The following ERICH1 variants were observed in gnomAD, a reference collection of about 807,000 sequenced individuals.
ERICH1 encodes the protein glutamate rich 1.
A neutral mutation model predicts 39.6 loss-of-function variants in ERICH1; 56 were observed. The ratio of observed to expected loss-of-function variants is 1.41; its 90% confidence interval spans 1.14 to 1.77. The LOEUF (loss-of-function observed/expected upper bound fraction) is 1.77. Ranked by LOEUF, ERICH1 falls within the 40% of genes most tolerant of loss-of-function variation. The probability of loss-of-function intolerance (pLI) is 0.00; values close to 1 mark genes in which losing one functional copy is unlikely to be tolerated. For missense variants in ERICH1, 826 were observed against 575.4 expected (o/e 1.44, Z -4.45); for synonymous variants, 313 against 223.6 (o/e 1.40, Z -3.57).
chr8:707,677 A>G (rs377765801), intron 2 of ERICH1, among the ~76,000 whole-genome samples: 2 of 152,244 alleles, frequency 1.3e-5, no homozygotes, highest in South Asian at 4.1e-4. Flanking sequence ...CATAAGTGCT[A>G]AAACTATAAA....
chr8:633,927 A>T (rs1798214292), intron 3 of ERICH1, among the ~76,000 whole-genome samples: 1 of 152,240 alleles, frequency 6.6e-6, no homozygotes, highest in African/African-American at 2.4e-5. Context: ...TAAACCTCTC[A>T]TAAGGAAACA....
chr8:631,748 T>C (rs778809420), intron 3 of ERICH1, among the ~76,000 whole-genome samples: 33 of 152,172 alleles, frequency 2.2e-4, no homozygotes, highest in Non-Finnish European at 4.1e-4. Context: ...CCATCGTCTC[T>C]GGAACGTTCT....
intron 2 of ERICH1, among the ~76,000 whole-genome samples, chr8:708,460 C>T (rs12543394): frequency 0.14 from 20,962 of 152,064 alleles, 1,784 homozygotes; most frequent in Middle Eastern, 0.24. Context: ...GAATATTATT[C>T]AGCCTTAAAA....
chr8:680,397 A>G (rs1304640194), intron 3 of ERICH1, among the ~76,000 whole-genome samples: 3 of 151,700 alleles, frequency 2.0e-5, no homozygotes, highest in African/African-American at 7.3e-5. Flanking sequence ...CTGAAAACAC[A>G]GAAAGTCCAA....
chr8:716,045 G>T lies in ERICH1; in HGVS notation c.23-38C>A, dbSNP rs775296227. ...CCGATTAAAAGAAAAGGAGGAAAAG[G>T]AATGAATTATGCAGTTTATCTGAAT... is the stretch of plus-strand genomic sequence containing the variant. On this transcript the variant is annotated intron_variant, in intron 1 of 5. Coordinates refer to ENST00000262109, the MANE Select transcript of ERICH1 (RefSeq NM_207332.3). 17 of 1,564,564 alleles carry T rather than the reference G, an allele frequency of 1.1e-5. No homozygotes were observed. In the South Asian group the frequency reaches 1.8e-4, roughly 17 times the overall value.
intron 2 of ERICH1, among the ~76,000 whole-genome samples, chr8:692,929 G>A (rs1035190093): frequency 1.3e-5 from 2 of 152,112 alleles, no homozygotes; most frequent in African/African-American, 4.8e-5. Flanking sequence ...TGAGTATAAA[G>A]CAGCAAAATA....
At chr8:693,863 G>A (rs1010507702) in intron 2 of ERICH1, among the ~76,000 whole-genome samples, 11 of 152,222 alleles carry the variant, frequency 7.2e-5, no homozygotes, top group African/African-American at 2.7e-4. Context: ...TTTGGTTCCT[G>A]CACAGGGATC....
At chr8:615,502 C>G (rs1796858420) in intron 3 of ERICH1, 1 of 440,482 alleles carries the variant, frequency 2.3e-6, no homozygotes, top group Non-Finnish European at 4.0e-6. Flanking sequence ...TGCACTGACA[C>G]CATTCCTGCA....
intron 2 of ERICH1, among the ~76,000 whole-genome samples, chr8:700,578 A>ACAGG (rs1563300033): frequency 1.1e-5 from 1 of 90,394 alleles, no homozygotes; most frequent in African/African-American, 3.7e-5. Context: ...AGGCGCACAG[A>ACAGG]CCCGCACACA....
At chr8:699,851 GCACACGCGCACAGACCCT>G (rs1811395847) in intron 2 of ERICH1, among the ~76,000 whole-genome samples, 9 of 96,142 alleles carry the variant, frequency 9.4e-5, no homozygotes, top group African/African-American at 2.7e-4. Context: ...GCACAGACCC[GCACACGCGCACAGACCCT>G]CACAGGCGCA....
chr8:671,064 G>A lies in ERICH1; in HGVS notation c.1063+2225C>T, dbSNP rs533832701. ...CTGAGCCCACCGGTCCCCAGGCTCC[G>A]ACCTCTGAACCTGCCAGCCCCGGCT... On this transcript the variant is annotated intron_variant, in intron 4 of 5. Transcript: ENST00000262109. Among the ~76,000 whole-genome samples, 10 of 151,248 alleles carry A rather than the reference G, an allele frequency of 6.6e-5. No individual in the cohort carries two copies. In the East Asian group the frequency reaches 1.6e-3, roughly 24 times the overall value.
rs1273464317 is a variant in ERICH1 at position 645,242 on chromosome 8, C to T, written c.976+23356G>A. 4.4e-5 allele frequency among the ~76,000 whole-genome samples: 3 copies of T among 68,060 alleles called. 1 individual carries two copies. The highest frequency in any genetic ancestry group is 9.2e-5 in the Non-Finnish European group (2 of 21,814). 44.7% of individuals were successfully genotyped at this position (68,060 alleles called of 152,430 possible). On this transcript the variant is annotated intron_variant, in intron 3 of 3. Coordinates refer to the ERICH1 transcript ENST00000522706. ...CAGACGCGCTTTCCTTGCTTTGGGA[C>T]GCACCTGCAAGGAGACCCAGTCCCC... is the stretch of plus-strand genomic sequence containing the variant.
intron 3 of ERICH1, among the ~76,000 whole-genome samples, chr8:677,020 A>C (rs1805001052): frequency 6.6e-6 from 1 of 152,216 alleles, no homozygotes; most frequent in Admixed American, 6.5e-5. Flanking sequence ...AGCTCTTCAA[A>C]GCGGTTTCCT....
intron 3 of ERICH1, among the ~76,000 whole-genome samples, chr8:634,183 A>AAACAAACAAAAAACAAAC (rs1554481907): frequency 0.027 from 3,588 of 135,306 alleles, 59 homozygotes; most frequent in African/African-American, 0.036. Flanking sequence ...AAAAAAAAAA[A>AAACAAACAAAAAACAAAC]AAACAAACAA....
chr8:701,356 A>G (rs1419539969), intron 2 of ERICH1, among the ~76,000 whole-genome samples: 1 of 145,900 alleles, frequency 6.9e-6, no homozygotes, highest in Non-Finnish European at 1.5e-5. Context: ...CCACGGGTCT[A>G]CCCTGCTGGA....
intron 1 of ERICH1, among the ~76,000 whole-genome samples, chr8:725,576 C>T (rs936830364): frequency 7.9e-5 from 12 of 152,294 alleles, no homozygotes; most frequent in African/African-American, 2.4e-4. Flanking sequence ...ACACCAAGCA[C>T]GACTCTCTCC....
intron 2 of ERICH1, among the ~76,000 whole-genome samples, chr8:700,728 C>A (rs1445545656): frequency 6.6e-6 from 1 of 152,216 alleles, no homozygotes; most frequent in Non-Finnish European, 1.5e-5. Context: ...GAGGTCCTGC[C>A]CCATCGGATG....
intron 3 of ERICH1, among the ~76,000 whole-genome samples, chr8:628,335 C>T (rs1797718883): frequency 6.6e-6 from 1 of 152,244 alleles, no homozygotes; most frequent in African/African-American, 2.4e-5. Context: ...GGAAATACTA[C>T]TTTACTGGGA....
At chr8:683,055 T>C (rs1445179221) in intron 3 of ERICH1, among the ~76,000 whole-genome samples, 1 of 152,194 alleles carries the variant, frequency 6.6e-6, no homozygotes, top group Non-Finnish European at 1.5e-5. Flanking sequence ...GAAAATATTT[T>C]GTAATAACAC....
Sources: gnomAD v4.1 joint callset for allele counts (sites outside exome capture counted in the v4.1 genomes callset) on GRCh38, gnomAD v4.1.1 for gene constraint, MANE v1.5 for transcripts, NCBI Gene and HGNC (gene_info 2026-07-23, HGNC 2026-07-21) for gene names.